Variants in MVD observed in about 807,000 individuals in gnomAD.
MVD encodes diphosphomevalonate decarboxylase.
A neutral mutation model predicts 42.4 loss-of-function variants in MVD; 52 were observed. The ratio of observed to expected loss-of-function variants is 1.23; its 90% CI spans 0.98 to 1.55. The LOEUF (loss-of-function observed/expected upper bound fraction) is 1.55. MVD is among the 40% of genes most tolerant of loss of function. The pLI, the probability that MVD is intolerant of heterozygous loss-of-function variation, is 0.00. For missense variants in MVD, 663 were observed against 572.1 expected, an observed-to-expected ratio of 1.16 and a Z score of -1.62; for synonymous variants, 287 against 243.2, an observed-to-expected ratio of 1.18 and a Z score of -1.68.
chr16:88,658,030 C>T lies in MVD; in HGVS notation c.142-1G>A, dbSNP rs758096190. The T allele has an allele frequency of 6.2e-7, 1 of 1,613,920 alleles. No homozygotes were observed. Among genetic ancestry groups the T allele is most frequent in the Non-Finnish European group, 8.5e-7 (1 of 1,179,974 alleles). On this transcript the variant is annotated splice_acceptor_variant, in intron 2 of 9. Coordinates refer to ENST00000301012, the MANE Select transcript of MVD (RefSeq NM_002461.3). LOFTEE classifies it high-confidence loss of function. Reference sequence around the variant, plus strand: ...TGACGGCTGTTGTGGTGGTTTTTAACTGAAAAGGAAACCCAGGGCCACCTC... The same window carrying T: ...TGACGGCTGTTGTGGTGGTTTTTAATTGAAAAGGAAACCCAGGGCCACCTC...
At position 88,656,286 on chromosome 16, in the gene MVD, A is replaced by T. The variant is rs1453366567; in HGVS notation, c.422T>A (p.Val141Asp). The T allele has an allele frequency of 6.3e-7, 1 of 1,599,740 alleles. No individual in the cohort carries two copies. Among genetic ancestry groups the T allele is most frequent in the Non-Finnish European group, 8.5e-7 (1 of 1,179,928 alleles). Residue 141 changes from valine to aspartate, a missense_variant, in exon 5 of 10, where the codon GTC becomes GAC. By Grantham distance (152) the Val-to-Asp change is radical. Transcript: ENST00000301012. The part of the protein sequence containing the change: ...YACLAYTLAR[V>D]YGVESDLSEV... ...TGAGAGGTCACTCTCCACGCCGTAGACACGGGCCAGGGTGTAGGCTGCAGG... is the reference window on the plus strand; with the variant it reads ...TGAGAGGTCACTCTCCACGCCGTAGTCACGGGCCAGGGTGTAGGCTGCAGG...
In MVD at chr16:88,654,756, C is replaced by A; in HGVS notation, c.949G>T (p.Asp317Tyr). ...GPNAVIFTLD[D>Y]TVAEFVAAVW... is the part of the protein sequence containing the mutation. ...GCAGCCACAAACTCAGCCACAGTGT[C>A]GTCCAGGGTGAAGATCACGGCATTG... The change falls in exon 8 of 10, where the codon GAC (aspartate) becomes TAC (tyrosine). Residue 317 changes from aspartate (D) to tyrosine (Y), a missense_variant. Asp to Tyr is a radical substitution (Grantham distance 160). Transcript: ENST00000301012. The A allele has an allele frequency of 3.1e-6, 5 of 1,601,090 alleles. No individual in the cohort carries two copies. Among genetic ancestry groups the A allele is most frequent in the Non-Finnish European group, 4.3e-6 (5 of 1,175,938 alleles).
chr16:88,654,543 C>G, intron 8 of MVD, 149 bp downstream of exon 8: 1 of 715,854 alleles, frequency 1.4e-6, no homozygotes, highest in South Asian at 2.1e-5. Flanking sequence ...TATGGGGACA[C>G]CCTGCCCGTG....
intron 1 of MVD, chr16:88,658,978 C>T: frequency 2.0e-6 from 1 of 502,468 alleles, no homozygotes; most frequent in Non-Finnish European, 3.7e-6. Context: ...ATCGCTTCTA[C>T]TCCAGCATCC....
intron 8 of MVD, 80 bp from the exon 9 acceptor site, chr16:88,653,488 A>T (rs1907711793): frequency 8.3e-7 from 1 of 1,211,006 alleles, no homozygotes; most frequent in Admixed American, 2.8e-5. Flanking sequence ...GCAAGTCCAG[A>T]GATGGGAAGT....
chr16:88,660,164 C>G (rs80301519), intron 1 of MVD, among the ~76,000 whole-genome samples: 2,343 of 152,104 alleles, frequency 0.015, 57 homozygotes, highest in African/African-American at 0.052. Context: ...AGCAGACACT[C>G]AGGAATTCCT....
chr16:88,662,567 G>A, intron 1 of MVD: 1 of 767,482 alleles, frequency 1.3e-6, no homozygotes, highest in Non-Finnish European at 1.7e-6. Context: ...CGGGGCGAGG[G>A]AGGGACACAG....
intron 1 of MVD, among the ~76,000 whole-genome samples, chr16:88,659,513 G>A (rs896721465): frequency 1.3e-5 from 2 of 152,212 alleles, no homozygotes; most frequent in African/African-American, 4.8e-5. Context: ...CATCACAGGT[G>A]AGACTCTCAC....
chr16:88,661,020 A>AC, intron 1 of MVD: 1 of 150,954 alleles, frequency 6.6e-6, no homozygotes, highest in East Asian at 1.9e-4. Context: ...AAAAAAAAAA[A>AC]AAAAAAAAAA....
chr16:88,653,293 G>A lies in MVD; in HGVS notation c.1122+7C>T. On this transcript the variant is annotated splice_region_variant and intron_variant, in intron 9 of 9. Coordinates refer to ENST00000301012, the MANE Select transcript of MVD (RefSeq NM_002461.3). ...CCCCGGGGTACTGGGTGAGCCCCAGGCCTCACCTGAGTGACAATGATGTAT... is the reference window on the plus strand; with the variant it reads ...CCCCGGGGTACTGGGTGAGCCCCAGACCTCACCTGAGTGACAATGATGTAT... The A allele has an allele frequency of 1.3e-6, 2 of 1,597,020 alleles. No homozygotes were observed. The highest frequency in any genetic ancestry group is 8.5e-7 in the Non-Finnish European group (1 of 1,173,734).
At position 88,663,065 on chromosome 16, in the gene MVD, G is replaced by A; in HGVS notation, c.16C>T (p.Pro6Ser). Residue 6 changes from proline (P) to serine (S), a missense_variant, in exon 1 of 10, where the codon CCG (proline) becomes TCG (serine). Transcript: ENST00000301012. MASEK[P>S]LAAVTCTAPV... ...GCTGTACAAGTGACTGCCGCCAGCG[G>A]CTTCTCCGAGGCCATGGTCCCACCG... 6.2e-7 allele frequency: 1 copy of A among 1,609,858 alleles called. No homozygotes were observed. The highest frequency in any genetic ancestry group is 8.5e-7 in the Non-Finnish European group (1 of 1,178,818).
chr16:88,662,992 G>T lies in MVD; in HGVS notation c.70+19C>A, dbSNP rs542498241. 3.8e-6 allele frequency: 6 copies of T among 1,590,066 alleles called. No individual in the cohort carries two copies. In the African/African-American group the frequency reaches 8.1e-5, roughly 22 times the overall value. On this transcript the variant is annotated intron_variant, in intron 1 of 9. Transcript: ENST00000301012. ...TCGCTCCCGGCCATCCCCGTCCCAG[G>T]CCGGCCCGCGGCACTCACAGTACTT...
chr16:88,658,755 TC>T, intron 1 of MVD, 35 bp from the exon 2 acceptor site: 1 of 1,512,708 alleles, frequency 6.6e-7, no homozygotes, highest in Non-Finnish European at 9.0e-7. Flanking sequence ...CCGGTGGGCT[TC>T]CCGGCCCACC....
intron 8 of MVD, among the ~76,000 whole-genome samples, chr16:88,653,937 T>C (rs1004454609): frequency 2.0e-5 from 3 of 152,016 alleles, no homozygotes; most frequent in Non-Finnish European, 2.9e-5. Flanking sequence ...GAAGGTGTTA[T>C]TGCTCCCACC....
At position 88,653,391 on chromosome 16, in the gene MVD, T is replaced by C. The variant is rs764526553; in HGVS notation, c.1031A>G (p.Gln344Arg). Residue 344 changes from glutamine to arginine, a missense_variant, in exon 9 of 10, where the codon CAG (glutamine) becomes CGG (arginine). Coordinates refer to ENST00000301012, the MANE Select transcript of MVD (RefSeq NM_002461.3). ...AGCTGAGAGAGGGGCCGGCCTCACC[T>C]GCAGCCCCTTCAGAAACCTGGAAAA... ...SNGDTFLKGLQVRPAPLSAEL... is the reference protein window; with the variant it reads ...SNGDTFLKGLRVRPAPLSAEL... The C allele has an allele frequency of 4.4e-6, 7 of 1,605,490 alleles. No individual in the cohort carries two copies. The highest frequency in any genetic ancestry group is 1.7e-5 in the Admixed American group (1 of 57,702).
Position 88,655,265 on chromosome 16 carries a change from G to A in MVD, c.831C>T (p.Leu277=). ...GGATGATGCGCCAGGAGATGGCATTGAGGTAAGAGATGGGCGGGAAGGTGT... is the reference window on the plus strand; with the variant it reads ...GGATGATGCGCCAGGAGATGGCATTAAGGTAAGAGATGGGCGGGAAGGTGT... ...CLDTFPPISY[L]NAISWRIIHL... is the part of the protein sequence containing the mutation. Residue 277 remains leucine (L), a synonymous_variant, in exon 7 of 10, where the codon CTC becomes CTT. Transcript: ENST00000301012. 6.3e-7 allele frequency: 1 copy of A among 1,590,512 alleles called. No individual in the cohort carries two copies. Among genetic ancestry groups the A allele is most frequent in the Non-Finnish European group, 8.6e-7 (1 of 1,168,570 alleles).
At chr16:88,661,641 A>G (rs1166161898) in intron 1 of MVD, among the ~76,000 whole-genome samples, 1 of 152,148 alleles carries the variant, frequency 6.6e-6, no homozygotes, top group Admixed American at 6.5e-5. Context: ...GCAAATAAGC[A>G]CAAAGAAAGA....
intron 2 of MVD, among the ~76,000 whole-genome samples, chr16:88,658,349 C>A (rs1325033693): frequency 6.6e-6 from 1 of 152,218 alleles, no homozygotes; most frequent in East Asian, 1.9e-4. Flanking sequence ...TCTCCTAATA[C>A]TGGGAGATGG....
intron 7 of MVD, 40 bp from the exon 8 acceptor site, chr16:88,654,847 C>T (rs2142895172): frequency 3.3e-6 from 5 of 1,524,410 alleles, no homozygotes; most frequent in African/African-American, 2.8e-5. Flanking sequence ...TCACGTGGTG[C>T]CTGACCCTTG....
Sources: allele counts gnomAD v4.1 joint callset (sites outside exome capture counted in the v4.1 genomes callset), GRCh38; gene constraint gnomAD v4.1.1; transcripts MANE v1.5; gene names NCBI Gene and HGNC (gene_info 2026-07-23, HGNC 2026-07-21).